The following HEPH variants were observed in gnomAD, a reference collection of about 807,000 sequenced individuals.
HEPH encodes hephaestin.
In HEPH, 69 loss-of-function variants were observed where a neutral mutation model predicts 80.8. The ratio of observed to expected loss-of-function variants is 0.85; its 90% CI spans 0.70 to 1.04. The LOEUF is 1.04. Among genes scored for constraint, HEPH ranks in the 50% least tolerant of loss-of-function variants. The pLI, the probability that HEPH is intolerant of heterozygous loss-of-function variation, is 0.00. For synonymous variants in HEPH, 431 were observed against 322.8 expected (o/e 1.34, Z -3.60); for missense variants, 1,115 against 891.3 (o/e 1.25, Z -3.20).
intron 15 of HEPH, among the ~76,000 whole-genome samples, chrX:66,213,545 T>C (rs928079501): frequency 5.3e-5 from 6 of 112,214 alleles, no homozygotes; most frequent in Non-Finnish European, 1.1e-4. Flanking sequence ...ATTTTTACTA[T>C]GTATTTTTAT....
chrX:66,252,225 G>A lies in HEPH; in HGVS notation c.2564-2810G>A, dbSNP rs537807738. On this transcript the variant is annotated intron_variant, in intron 15 of 20. Transcript: ENST00000343002. ...TGGCACTATCTATTGAGATAAGGAAGACTGAAGAGGAGAAGGTTTGGGGGA... is the reference window on the plus strand; with the variant it reads ...TGGCACTATCTATTGAGATAAGGAAAACTGAAGAGGAGAAGGTTTGGGGGA... 9.8e-5 allele frequency among the ~76,000 whole-genome samples: 11 copies of A among 111,953 alleles called. No individual in the cohort carries two copies. The South Asian group carries it at 4.1e-3, about 42-fold the overall frequency.
chrX:66,214,741 A>G (rs2089308873), intron 15 of HEPH, among the ~76,000 whole-genome samples: 1 of 111,070 alleles, frequency 9.0e-6, no homozygotes, highest in African/African-American at 3.3e-5. Context: ...TCTTAATAAC[A>G]TCTTCTAAAC....
rs145827450 is a variant in HEPH at position 66,238,083 on chromosome X, G to C, written c.2564-16952G>C. ...GGTTCCTTACGCAGCTTGCCACTTTGTGTCTTTTAAATGGGGGCCTTTAGC... is the reference window on the plus strand; with the variant it reads ...GGTTCCTTACGCAGCTTGCCACTTTCTGTCTTTTAAATGGGGGCCTTTAGC... On this transcript the variant is annotated intron_variant, in intron 15 of 20. Transcript: ENST00000343002. 4.0e-3 allele frequency among the ~76,000 whole-genome samples: 452 copies of C among 111,689 alleles called. 5 individuals carry two copies. The highest frequency in any genetic ancestry group is 0.014 in the African/African-American group (422 of 30,756).
At chrX:66,179,811 A>G (rs1176696629) in intron 4 of HEPH, among the ~76,000 whole-genome samples, 1 of 111,801 alleles carries the variant, frequency 8.9e-6, no homozygotes, top group African/African-American at 3.3e-5. Flanking sequence ...TCTGTTGAAC[A>G]AGGCCTTTTA....
intron 15 of HEPH, among the ~76,000 whole-genome samples, chrX:66,243,076 G>T (rs941351458): frequency 9.0e-6 from 1 of 111,724 alleles, no homozygotes; most frequent in African/African-American, 3.3e-5. Context: ...ATTCATCACA[G>T]CACTTTTCAT....
chrX:66,205,636 C>A (rs1156991088), intron 13 of HEPH, among the ~76,000 whole-genome samples: 2 of 106,860 alleles, frequency 1.9e-5, no homozygotes, highest in African/African-American at 3.4e-5. Flanking sequence ...CAGTCTGTCA[C>A]CCAGGCTGGA....
chrX:66,256,452 T>G (rs1209319902), intron 17 of HEPH, 122 bp downstream of exon 17: 1 of 492,309 alleles, frequency 2.0e-6, no homozygotes, highest in Non-Finnish European at 3.4e-6. Flanking sequence ...CATGGGAAGG[T>G]GAAATGGGGA....
intron 2 of HEPH, among the ~76,000 whole-genome samples, chrX:66,171,508 C>T (rs778835891): frequency 2.4e-4 from 27 of 111,940 alleles, no homozygotes; most frequent in Middle Eastern, 4.6e-3. Flanking sequence ...AATGAATGTA[C>T]GAAAAACTAT....
At chrX:66,216,200 A>G (rs184793373) in intron 15 of HEPH, among the ~76,000 whole-genome samples, 3 of 111,539 alleles carry the variant, frequency 2.7e-5, no homozygotes, top group Non-Finnish European at 3.8e-5. Context: ...AGGCGACCCT[A>G]TGAGAAGCAT....
chrX:66,233,557 A>G (rs907547226), intron 15 of HEPH, among the ~76,000 whole-genome samples: 3 of 111,223 alleles, frequency 2.7e-5, no homozygotes, highest in Non-Finnish European at 5.7e-5. Context: ...CTTTTGCCCA[A>G]TGTTAAACTT....
chrX:66,207,405 G>A (rs2088852918), intron 14 of HEPH, 71 bp downstream of exon 14: 24 of 822,873 alleles, frequency 2.9e-5, no homozygotes, highest in Admixed American at 1.2e-4. Context: ...TGTTATACCA[G>A]GATGGCCTCA....
chrX:66,252,224 A>T (rs1479185570), intron 15 of HEPH, among the ~76,000 whole-genome samples: 1 of 112,111 alleles, frequency 8.9e-6, no homozygotes, highest in African/African-American at 3.2e-5. Context: ...GAGATAAGGA[A>T]GACTGAAGAG....
chrX:66,258,337 G>C (rs1040809448), intron 17 of HEPH, among the ~76,000 whole-genome samples: 1 of 111,601 alleles, frequency 9.0e-6, no homozygotes, highest in African/African-American at 3.3e-5. Flanking sequence ...AAGTCTTTCT[G>C]GGGGAGTGAA....
intron 19 of HEPH, 81 bp from the exon 20 acceptor site, chrX:66,263,563 A>C: frequency 1.9e-6 from 2 of 1,061,409 alleles, no homozygotes; most frequent in Non-Finnish European, 2.6e-6. Flanking sequence ...TCTGCAACCA[A>C]TGTTGACCTT....
At chrX:66,228,466 G>T (rs901324688) in intron 15 of HEPH, among the ~76,000 whole-genome samples, 1 of 112,937 alleles carries the variant, frequency 8.9e-6, no homozygotes, top group African/African-American at 3.2e-5. Context: ...CTAGACATTG[G>T]CTTGTGCCAA....
At chrX:66,259,119 A>C (rs2091275374) in intron 18 of HEPH, 140 bp downstream of exon 18, 3 of 644,414 alleles carry the variant, frequency 4.7e-6, no homozygotes, top group South Asian at 4.7e-5. Flanking sequence ...CTGAGCTGGA[A>C]ATTCTAGTCT....
chrX:66,177,665 G>A (rs1466612504), intron 4 of HEPH, among the ~76,000 whole-genome samples: 1 of 111,170 alleles, frequency 9.0e-6, no homozygotes, highest in Admixed American at 9.6e-5. Flanking sequence ...TTTTTTCAAA[G>A]AACCAGCTTT....
chrX:66,261,431 C>T (rs1337380221), intron 19 of HEPH, among the ~76,000 whole-genome samples: 1 of 110,893 alleles, frequency 9.0e-6, no homozygotes, highest in African/African-American at 3.3e-5. Context: ...ATTAAAGGGT[C>T]AAATGTCTTA....
At chrX:66,254,563 G>A (rs1014055579) in intron 15 of HEPH, among the ~76,000 whole-genome samples, 2 of 110,483 alleles carry the variant, frequency 1.8e-5, no homozygotes, top group African/African-American at 6.6e-5. Context: ...GAGTCTGGCT[G>A]GAACTAAGTA....
Sources: gnomAD v4.1 joint callset for allele counts (sites outside exome capture counted in the v4.1 genomes callset) on GRCh38, gnomAD v4.1.1 for gene constraint, MANE v1.5 for transcripts, NCBI Gene and HGNC (gene_info 2026-07-23, HGNC 2026-07-21) for gene names.